PPP1R21: variants seen among roughly 807,000 people sequenced by gnomAD.
PPP1R21 encodes the protein protein phosphatase 1 regulatory subunit 21, also known as KLRAQ motif containing 1.
A neutral mutation model predicts 112.8 loss-of-function variants in PPP1R21; 85 were observed. The observed-to-expected ratio is 0.75, with a 90% CI of 0.63 to 0.90. The LOEUF is 0.90. Ranked by LOEUF, PPP1R21 falls within the 40% of genes least tolerant of loss-of-function variation. PPP1R21 has a pLI of 0.00. For synonymous variants in PPP1R21, 381 were observed against 322.3 expected, an observed-to-expected ratio of 1.18 and a Z score of -1.95; for missense variants, 1,199 against 901.5, an observed-to-expected ratio of 1.33 and a Z score of -4.23.
chr2:48,494,682 C>T (rs1470548911), intron 15 of PPP1R21, among the ~76,000 whole-genome samples: 1 of 150,884 alleles, frequency 6.6e-6, no homozygotes, highest in African/African-American at 2.4e-5. Flanking sequence ...TTCCAAAGTG[C>T]TGGGATTACT....
rs185665155 is a variant in PPP1R21 at position 48,441,809 on chromosome 2, A to G, written c.57+799A>G. Among the ~76,000 whole-genome samples the G allele has an allele frequency of 3.9e-5, 6 of 152,358 alleles. No individual in the cohort carries two copies. In the East Asian group the frequency reaches 9.6e-4, roughly 24 times the overall value. Reference sequence around the variant, plus strand: ...TGAAGTTATTAAAGCAGAATTTTACATCTTTGGAAATTGATTCAACAGTCA... The same window carrying G: ...TGAAGTTATTAAAGCAGAATTTTACGTCTTTGGAAATTGATTCAACAGTCA... On this transcript the variant is annotated intron_variant, in intron 1 of 21. Transcript: ENST00000294952.
rs767488369 is a variant in PPP1R21 at position 48,464,995 on chromosome 2, G to A, written c.747+6G>A. The A allele has an allele frequency of 7.5e-5, 117 of 1,555,816 alleles. 2 individuals carry two copies. The Middle Eastern group carries it at 4.2e-3, about 56-fold the overall frequency. ...TCCACAATAGGAGACACCAGGTAAA[G>A]GATGAAGTACATGTTTTTATTTTCA... On this transcript the variant is annotated splice_donor_region_variant and intron_variant, in intron 8 of 21. Transcript: ENST00000294952.
In PPP1R21 at chr2:48,471,380, G is replaced by A. The variant is rs773009381; in HGVS notation, c.1088+13G>A. 2 of 1,590,870 alleles carry A rather than the reference G, an allele frequency of 1.3e-6. No homozygotes were observed. Among genetic ancestry groups the A allele is most frequent in the South Asian group, 1.2e-5 (1 of 86,164 alleles). ...ATCAGTTAAAAAGGTAGTTACCCCCGGAGGCCAGGGAACTTGGGGAATTGT... is the reference window on the plus strand; with the variant it reads ...ATCAGTTAAAAAGGTAGTTACCCCCAGAGGCCAGGGAACTTGGGGAATTGT... On this transcript the variant is annotated intron_variant, in intron 11 of 21. Coordinates refer to ENST00000294952, the MANE Select transcript of PPP1R21 (RefSeq NM_001135629.3).
intron 18 of PPP1R21, among the ~76,000 whole-genome samples, chr2:48,506,795 A>T (rs1255440310): frequency 3.3e-5 from 5 of 152,058 alleles, no homozygotes; most frequent in Admixed American, 6.6e-5. Context: ...AAATATAAAA[A>T]ATTAGCTGGG....
intron 1 of PPP1R21, among the ~76,000 whole-genome samples, chr2:48,446,599 A>C (rs373253374): frequency 6.6e-6 from 1 of 152,204 alleles, no homozygotes; most frequent in African/African-American, 2.4e-5. Flanking sequence ...TAATTTGATT[A>C]ATCAAATTAA....
chr2:48,506,336 C>T (rs1009318802), intron 18 of PPP1R21, among the ~76,000 whole-genome samples: 3 of 152,142 alleles, frequency 2.0e-5, no homozygotes, highest in African/African-American at 4.8e-5. Context: ...TCAGGTGATC[C>T]ATCTGCCTCG....
At chr2:48,468,570 T>A (rs910775910) in intron 9 of PPP1R21, among the ~76,000 whole-genome samples, 3 of 152,238 alleles carry the variant, frequency 2.0e-5, no homozygotes, top group African/African-American at 2.4e-5. Flanking sequence ...CCTAGTACTT[T>A]GGGAGGCTGA....
intron 13 of PPP1R21, among the ~76,000 whole-genome samples, chr2:48,482,959 C>A (rs938523165): frequency 1.3e-5 from 2 of 152,042 alleles, no homozygotes; most frequent in African/African-American, 4.8e-5. Context: ...CCATCAGGCT[C>A]CAGTGTGTCT....
chr2:48,480,157 A>T (rs973536794), intron 13 of PPP1R21, 141 bp downstream of exon 13: 3 of 652,774 alleles, frequency 4.6e-6, no homozygotes, highest in Non-Finnish European at 8.2e-6. Flanking sequence ...TTGAGTGCAC[A>T]GCTCACTGCC....
intron 1 of PPP1R21, among the ~76,000 whole-genome samples, chr2:48,449,780 G>A (rs2103752020): frequency 6.7e-6 from 1 of 148,852 alleles, no homozygotes; most frequent in South Asian, 2.1e-4. Flanking sequence ...TTTTTTTAAA[G>A]CTCACATACA....
At chr2:48,509,526 T>G (rs557079477) in intron 19 of PPP1R21, among the ~76,000 whole-genome samples, 27 of 151,860 alleles carry the variant, frequency 1.8e-4, no homozygotes, top group Admixed American at 4.6e-4. Context: ...GACAACATAG[T>G]GAAACCCGTC....
intron 13 of PPP1R21, among the ~76,000 whole-genome samples, chr2:48,484,940 A>C (rs1283212923): frequency 2.6e-5 from 4 of 152,230 alleles, no homozygotes; most frequent in African/African-American, 9.6e-5. Flanking sequence ...ACCAAATTGT[A>C]TTATTATAAC....
chr2:48,479,283 T>C (rs1278372549), intron 12 of PPP1R21, among the ~76,000 whole-genome samples: 33 of 152,208 alleles, frequency 2.2e-4, no homozygotes, highest in Admixed American at 2.2e-3. Context: ...AGTCCCGTGT[T>C]CTTGGCTATA....
intron 17 of PPP1R21, 66 bp downstream of exon 17, chr2:48,498,801 C>G: frequency 1.4e-6 from 2 of 1,473,730 alleles, no homozygotes; most frequent in Non-Finnish European, 1.9e-6. Context: ...ATCTAATGTT[C>G]AACATTAACC....
intron 13 of PPP1R21, 90 bp from the exon 14 acceptor site, chr2:48,486,541 G>C: frequency 1.0e-6 from 1 of 978,970 alleles, no homozygotes; most frequent in Non-Finnish European, 1.5e-6. Context: ...TATAAATTTA[G>C]AAGAATAGAT....
intron 9 of PPP1R21, among the ~76,000 whole-genome samples, chr2:48,469,550 TATAG>T (rs1668413512): frequency 8.8e-6 from 1 of 113,818 alleles, no homozygotes; most frequent in Non-Finnish European, 1.8e-5. Context: ...CATATATATA[TATAG>T]AGAGAGAGAG....
At chr2:48,503,207 A>G (rs1670204164) in intron 17 of PPP1R21, among the ~76,000 whole-genome samples, 1 of 152,236 alleles carries the variant, frequency 6.6e-6, no homozygotes, top group Non-Finnish European at 1.5e-5. Flanking sequence ...TTTTAAGTAT[A>G]AAAATGACAT....
At chr2:48,488,419 T>G (rs572751143) in intron 14 of PPP1R21, among the ~76,000 whole-genome samples, 1 of 149,732 alleles carries the variant, frequency 6.7e-6, no homozygotes, top group South Asian at 2.1e-4. Flanking sequence ...CAGGTTGGAG[T>G]GTAGTGGCAT....
intron 16 of PPP1R21, among the ~76,000 whole-genome samples, chr2:48,498,132 C>G (rs963115350): frequency 6.6e-6 from 1 of 151,008 alleles, no homozygotes; most frequent in African/African-American, 2.4e-5. Context: ...TCTTTGCCTT[C>G]TTCTCTGTTG....
Sources: gnomAD v4.1 joint callset for allele counts (sites outside exome capture counted in the v4.1 genomes callset) on GRCh38, gnomAD v4.1.1 for gene constraint, MANE v1.5 for transcripts, NCBI Gene and HGNC (gene_info 2026-07-23, HGNC 2026-07-21) for gene names.